The following WNK2 variants were observed in gnomAD, a reference collection of about 807,000 sequenced individuals.
The protein encoded by WNK2 is WNK lysine deficient protein kinase 2.
Under a neutral mutation model 192.1 loss-of-function variants are expected in WNK2, and 67 were observed. The ratio of observed to expected loss-of-function variants is 0.35; its 90% CI spans 0.29 to 0.43. The LOEUF (loss-of-function observed/expected upper bound fraction) is 0.43, where lower values mean the gene tolerates loss of function less well. Among genes scored for constraint, WNK2 ranks in the 20% least tolerant of loss-of-function variants. The probability of loss-of-function intolerance (pLI) is 1.00; values close to 1 mark genes in which losing one functional copy is unlikely to be tolerated. For synonymous variants in WNK2, 1,439 were observed against 1,393.9 expected (o/e 1.03, Z -0.72); for missense variants, 2,698 against 3,089.7 (o/e 0.87, Z 3.01).
At chr9:93,204,820 G>A (rs2131346784) in intron 2 of WNK2, among the ~76,000 whole-genome samples, 1 of 152,280 alleles carries the variant, frequency 6.6e-6, no homozygotes, top group South Asian at 2.1e-4. Context: ...GTGTCTGGTG[G>A]GGGTATGGGG....
intron 19 of WNK2, among the ~76,000 whole-genome samples, chr9:93,276,501 T>TC (rs1846903096): frequency 6.6e-6 from 1 of 152,106 alleles, no homozygotes; most frequent in South Asian, 2.1e-4. Context: ...TGGAGAAAAA[T>TC]CATTTTTGAT....
At chr9:93,187,278 C>G (rs1829516380) in intron 2 of WNK2, among the ~76,000 whole-genome samples, 2 of 152,132 alleles carry the variant, frequency 1.3e-5, no homozygotes, top group Non-Finnish European at 2.9e-5. Context: ...CTGGGTCTGT[C>G]CCCTGCAGGC....
chr9:93,262,469 A>T (rs986983212), intron 13 of WNK2, among the ~76,000 whole-genome samples: 3 of 152,254 alleles, frequency 2.0e-5, no homozygotes, highest in African/African-American at 7.2e-5. Flanking sequence ...AAGCGTTTCA[A>T]CAAGATAAAA....
chr9:93,318,954 A>T, intron 29 of WNK2: 1 of 1,437,718 alleles, frequency 7.0e-7, no homozygotes, highest in Non-Finnish European at 9.1e-7. Flanking sequence ...GTTCAAATCT[A>T]TTATTCCATC....
Position 93,212,293 on chromosome 9 carries a change from T to C in WNK2, c.682-17403T>C, listed in dbSNP as rs60352018. ...AGCCAGATGTTGGGATAAGGATAGG[T>C]TAGTCATGCATAGAGTGGATTCTGT... On this transcript the variant is annotated intron_variant, in intron 2 of 29. Transcript: ENST00000427277. 7.4e-3 allele frequency among the ~76,000 whole-genome samples: 1,122 copies of C among 152,328 alleles called. 17 individuals carry two copies. The highest frequency in any genetic ancestry group is 0.025 in the African/African-American group (1,056 of 41,570).
chr9:93,291,375 G>A (rs1849317778), intron 21 of WNK2, among the ~76,000 whole-genome samples: 1 of 152,128 alleles, frequency 6.6e-6, no homozygotes, highest in Non-Finnish European at 1.5e-5. Context: ...AACTCATGGG[G>A]GAAGCTCCAA....
At chr9:93,219,344 C>T (rs1040997067) in intron 2 of WNK2, among the ~76,000 whole-genome samples, 4 of 152,266 alleles carry the variant, frequency 2.6e-5, no homozygotes, top group South Asian at 2.1e-4. Context: ...GCTTGAGTCC[C>T]TCCTGCTCCT....
In WNK2 at chr9:93,256,972, C is replaced by T; in HGVS notation, c.2215C>T (p.Pro739Ser). The T allele has an allele frequency of 1.3e-6, 2 of 1,585,192 alleles. No individual in the cohort carries two copies. Among genetic ancestry groups the T allele is most frequent in the South Asian group, 2.3e-5 (2 of 88,208 alleles). ...GCCTCCTCCGCTGGCCCAGCCGACACCCCTGCCGCAGGTCCTGGCCCCACA... is the reference window on the plus strand; with the variant it reads ...GCCTCCTCCGCTGGCCCAGCCGACATCCCTGCCGCAGGTCCTGGCCCCACA... ...QQPPPLAQPTPLPQVLAPQPV... is the reference protein window; with the variant it reads ...QQPPPLAQPTSLPQVLAPQPV... Residue 739 changes from proline (P) to serine (S), a missense_variant, in exon 11 of 30, where the codon CCC becomes TCC. Physicochemically the swap from Pro to Ser is moderately conservative, Grantham distance 74. Coordinates refer to ENST00000427277, the MANE Select transcript of WNK2 (RefSeq NM_006648.4).
chr9:93,244,384 C>T (rs1273122652), intron 7 of WNK2, among the ~76,000 whole-genome samples: 5 of 152,330 alleles, frequency 3.3e-5, no homozygotes, highest in Admixed American at 1.3e-4. Context: ...CCCAGCCAGC[C>T]CTCCCCTCCA....
chr9:93,267,927 G>A lies in WNK2; in HGVS notation c.3867+11G>A, dbSNP rs369788684. 1.9e-4 allele frequency: 303 copies of A among 1,611,392 alleles called. No individual in the cohort carries two copies. The highest frequency in any genetic ancestry group is 2.4e-4 in the Non-Finnish European group (284 of 1,178,792). On this transcript the variant is annotated intron_variant, in intron 17 of 29. Coordinates refer to ENST00000427277, the MANE Select transcript of WNK2 (RefSeq NM_006648.4). The stretch of plus-strand genomic sequence containing the variant: ...CTGGGCACCGGGGAGGTGAGGTTGT[G>A]AAATCCGGGGTGGGAGGTGGTGAGA...
chr9:93,308,247 T>C (rs1413465543), intron 27 of WNK2, 81 bp from the exon 28 acceptor site: 2 of 1,491,076 alleles, frequency 1.3e-6, no homozygotes, highest in African/African-American at 2.8e-5. Context: ...AGCTGTCACG[T>C]AAGAATGAAT....
chr9:93,272,738 CA>C (rs35641750), intron 19 of WNK2, among the ~76,000 whole-genome samples: 15 of 90,808 alleles, frequency 1.7e-4, no homozygotes, highest in African/African-American at 7.8e-4. Context: ...AACTCCGTCT[CA>C]AAAAAAAAAA....
chr9:93,276,307 G>C (rs1186493891), intron 19 of WNK2, among the ~76,000 whole-genome samples: 1 of 152,160 alleles, frequency 6.6e-6, no homozygotes, highest in Non-Finnish European at 1.5e-5. Context: ...ATGACCATTT[G>C]ATTTTGACAA....
chr9:93,290,659 G>T (rs1250924265), intron 21 of WNK2, among the ~76,000 whole-genome samples: 1 of 152,206 alleles, frequency 6.6e-6, no homozygotes, highest in Non-Finnish European at 1.5e-5. Context: ...CTTCAGCAAG[G>T]TTACAAGATG....
chr9:93,238,140 C>A, intron 5 of WNK2, 93 bp from the exon 6 acceptor site: 1 of 1,106,988 alleles, frequency 9.0e-7, no homozygotes, highest in Non-Finnish European at 1.4e-6. Context: ...CCGTGTCCTG[C>A]CGTGGCTGGG....
intron 16 of WNK2, among the ~76,000 whole-genome samples, chr9:93,265,223 G>A (rs1185223833): frequency 6.6e-6 from 1 of 152,260 alleles, no homozygotes; most frequent in African/African-American, 2.4e-5. Flanking sequence ...AAATGCAGCA[G>A]AGACCACAGG....
chr9:93,317,860 T>C (rs1433342630), intron 29 of WNK2: 3 of 1,552,692 alleles, frequency 1.9e-6, no homozygotes, highest in Admixed American at 1.8e-5. Flanking sequence ...CCTTCTGCCC[T>C]GTCCCTTGCC....
chr9:93,263,169 C>T (rs1458314320), intron 14 of WNK2: 1 of 390,676 alleles, frequency 2.6e-6, no homozygotes, highest in African/African-American at 2.1e-5. Flanking sequence ...GTTCCACCCT[C>T]CTGGGGTGCT....
At chr9:93,194,965 A>G (rs1312970721) in intron 2 of WNK2, among the ~76,000 whole-genome samples, 1 of 151,962 alleles carries the variant, frequency 6.6e-6, no homozygotes, top group Admixed American at 6.6e-5. Flanking sequence ...AAGGCTGCAT[A>G]TTGTATGATT....
Sources: allele counts gnomAD v4.1 joint callset (sites outside exome capture counted in the v4.1 genomes callset), GRCh38; gene constraint gnomAD v4.1.1; transcripts MANE v1.5; gene names NCBI Gene and HGNC (gene_info 2026-07-23, HGNC 2026-07-21).